The following DAB1 variants were observed in gnomAD, a reference collection of about 807,000 sequenced individuals.
The protein encoded by DAB1 is disabled homolog 1.
A neutral mutation model predicts 64.6 loss-of-function variants in DAB1; 15 were observed. The observed-to-expected ratio is 0.23, with a 90% CI of 0.16 to 0.36. The LOEUF (loss-of-function observed/expected upper bound fraction) is 0.36. Ranked by LOEUF, DAB1 falls within the 10% of genes least tolerant of loss-of-function variation. DAB1 has a pLI of 1.00. For missense variants in DAB1, 596 were observed against 706.7 expected (o/e 0.84, Z 1.78); for synonymous variants, 235 against 251.9 (o/e 0.93, Z 0.64).
At chr1:58,503,200 AAAAATTC>A (rs1645934223) in intron 3 of DAB1, among the ~76,000 whole-genome samples, 1 of 152,220 alleles carries the variant, frequency 6.6e-6, no homozygotes, top group Non-Finnish European at 1.5e-5. Flanking sequence ...TAAAAAGAAA[AAAAATTC>A]AAGAGAAAAT....
At chr1:57,251,734 A>G (rs978207129) in intron 2 of DAB1, among the ~76,000 whole-genome samples, 4 of 152,192 alleles carry the variant, frequency 2.6e-5, no homozygotes, top group African/African-American at 9.6e-5. Flanking sequence ...TTTCCTTGCC[A>G]GTCTCTGAAA....
At chr1:57,938,337 A>G (rs1225101635) in intron 5 of DAB1, among the ~76,000 whole-genome samples, 2 of 152,196 alleles carry the variant, frequency 1.3e-5, no homozygotes. Context: ...CGTCCCTATT[A>G]TATGGTTTGG....
At chr1:57,754,622 G>A (rs1395038161) in intron 6 of DAB1, among the ~76,000 whole-genome samples, 1 of 151,704 alleles carries the variant, frequency 6.6e-6, no homozygotes. Flanking sequence ...AACGGGAGGC[G>A]GAGGTTGCAG....
chr1:57,051,351 T>C (rs559730196), intron 9 of DAB1, among the ~76,000 whole-genome samples: 10 of 152,260 alleles, frequency 6.6e-5, no homozygotes, highest in African/African-American at 1.7e-4. Context: ...CAAGATTTAA[T>C]CCAATTATCC....
At chr1:58,161,942 G>C (rs1226338569) in intron 4 of DAB1, among the ~76,000 whole-genome samples, 1 of 152,092 alleles carries the variant, frequency 6.6e-6, no homozygotes, top group African/African-American at 2.4e-5. Flanking sequence ...ATAAAGAATG[G>C]GATTTGAGGG....
chr1:58,476,036 T>A (rs951763039), intron 3 of DAB1, among the ~76,000 whole-genome samples: 1 of 152,120 alleles, frequency 6.6e-6, no homozygotes, highest in African/African-American at 2.4e-5. Flanking sequence ...CAAGTTAACT[T>A]TAATATTCTG....
intron 5 of DAB1, among the ~76,000 whole-genome samples, chr1:58,142,996 T>C (rs1447490347): frequency 1.3e-5 from 2 of 152,154 alleles, no homozygotes; most frequent in African/African-American, 4.8e-5. Context: ...GAAATGGAAA[T>C]TCTCGGTGTT....
chr1:57,337,057 G>A (rs1424334645), intron 1 of DAB1, among the ~76,000 whole-genome samples: 2 of 152,110 alleles, frequency 1.3e-5, no homozygotes, highest in African/African-American at 2.4e-5. Context: ...CTGGGTCTCA[G>A]TGTCTGGCAC....
intron 2 of DAB1, among the ~76,000 whole-genome samples, chr1:57,188,391 A>G (rs1033285577): frequency 6.6e-5 from 10 of 151,802 alleles, no homozygotes; most frequent in African/African-American, 2.4e-4. Context: ...AAAAGGCAGG[A>G]AAAAAAAATT....
chr1:57,262,175 G>A (rs1019620271), intron 2 of DAB1, among the ~76,000 whole-genome samples: 3 of 152,156 alleles, frequency 2.0e-5, no homozygotes, highest in Admixed American at 2.0e-4. Flanking sequence ...TTAATACCAC[G>A]AACCACTCTC....
chr1:58,327,940 C>T (rs1374871657), intron 4 of DAB1, among the ~76,000 whole-genome samples: 1 of 152,180 alleles, frequency 6.6e-6, no homozygotes, highest in Admixed American at 6.5e-5. Flanking sequence ...TTGACATCTC[C>T]AGCTGTCAGT....
chr1:57,741,321 C>T (rs1045873318), intron 6 of DAB1, among the ~76,000 whole-genome samples: 1 of 151,974 alleles, frequency 6.6e-6, no homozygotes, highest in Non-Finnish European at 1.5e-5. Flanking sequence ...TCTTATATGC[C>T]ATGAACTTAA....
At chr1:58,075,351 T>A (rs1431689189) in intron 5 of DAB1, among the ~76,000 whole-genome samples, 1 of 152,202 alleles carries the variant, frequency 6.6e-6, no homozygotes, top group Non-Finnish European at 1.5e-5. Flanking sequence ...GTCATGTGAC[T>A]TTTTTGGCTA....
chr1:58,121,883 T>C (rs1652759125), intron 5 of DAB1, among the ~76,000 whole-genome samples: 1 of 152,204 alleles, frequency 6.6e-6, no homozygotes, highest in Non-Finnish European at 1.5e-5. Flanking sequence ...CCTTCTTAAG[T>C]AGAAGCGAAA....
chr1:57,568,805 T>C (rs1231281446), intron 7 of DAB1, among the ~76,000 whole-genome samples: 2 of 151,876 alleles, frequency 1.3e-5, no homozygotes, highest in South Asian at 2.1e-4. Context: ...TGTGGAGAAA[T>C]AGGAACACTT....
chr1:57,246,783 C>T (rs1486816249), intron 2 of DAB1, among the ~76,000 whole-genome samples: 1 of 152,224 alleles, frequency 6.6e-6, no homozygotes, highest in Non-Finnish European at 1.5e-5. Context: ...GGAGCCCACT[C>T]CTTGAATCAG....
At chr1:57,173,808 A>ATTTT (rs36067405) in intron 2 of DAB1, among the ~76,000 whole-genome samples, 70 of 149,822 alleles carry the variant, frequency 4.7e-4, no homozygotes, top group African/African-American at 1.6e-3. Flanking sequence ...TAGAGAGTAC[A>ATTTT]TTTTTTTTTT....
chr1:58,187,093 C>T (rs898577901), intron 4 of DAB1, among the ~76,000 whole-genome samples: 1 of 152,074 alleles, frequency 6.6e-6, no homozygotes, highest in African/African-American at 2.4e-5. Context: ...ATTAGAGAAG[C>T]TCAAAGAGAT....
intron 4 of DAB1, among the ~76,000 whole-genome samples, chr1:57,113,947 A>G (rs1655888300): frequency 6.6e-6 from 1 of 152,166 alleles, no homozygotes; most frequent in Non-Finnish European, 1.5e-5. Flanking sequence ...AAATGCACAT[A>G]CTCTTAGAGT....
Sources: gnomAD v4.1 joint callset for allele counts (sites outside exome capture counted in the v4.1 genomes callset) on GRCh38, gnomAD v4.1.1 for gene constraint, MANE v1.5 for transcripts, NCBI Gene and HGNC (gene_info 2026-07-23, HGNC 2026-07-21) for gene names.